Variants in SHMT1 observed in about 807,000 individuals in gnomAD.
The protein encoded by SHMT1 is serine hydroxymethyltransferase 1, also known as serine hydroxymethyltransferase, cytosolic.
Under a neutral mutation model 49.0 loss-of-function variants are expected in SHMT1, and 45 were observed. The observed-to-expected ratio is 0.92, with a 90% CI of 0.72 to 1.18. The LOEUF (loss-of-function observed/expected upper bound fraction) is 1.18. Among genes scored for constraint, SHMT1 ranks in the 50% most tolerant of loss-of-function variants. The probability of loss-of-function intolerance (pLI) is 0.00; values close to 1 mark genes in which losing one functional copy is unlikely to be tolerated. For synonymous variants in SHMT1, 232 were observed against 246.6 expected, an observed-to-expected ratio of 0.94 and a Z score of 0.55; for missense variants, 541 against 612.4, an observed-to-expected ratio of 0.88 and a Z score of 1.23.
In SHMT1 at chr17:18,335,548, T is replaced by C. The variant is rs1983690113; in HGVS notation, c.931+11A>G. On this transcript the variant is annotated intron_variant, in intron 8 of 11. Transcript: ENST00000316694. ...GGGCTACAGGATGAGCAGAGGCAGA[T>C]GATGTTTTACCAGCAATGGCGTGGT... 1 of 1,575,960 alleles carries C rather than the reference T, an allele frequency of 6.3e-7. No homozygotes were observed. Among genetic ancestry groups the C allele is most frequent in the African/African-American group, 1.3e-5 (1 of 74,186 alleles).
At chr17:18,346,627 T>C (rs532134502) in intron 5 of SHMT1, among the ~76,000 whole-genome samples, 7 of 152,112 alleles carry the variant, frequency 4.6e-5, no homozygotes, top group Non-Finnish European at 1.0e-4. Flanking sequence ...CCTCAACTTA[T>C]GGGGTTACAT....
At chr17:18,333,762 C>T (rs1983497877) in intron 8 of SHMT1, among the ~76,000 whole-genome samples, 1 of 150,882 alleles carries the variant, frequency 6.6e-6, no homozygotes, top group South Asian at 2.1e-4. Context: ...GAGCACCATG[C>T]CCAGCTAAAA....
chr17:18,342,420 G>A (rs755316893), intron 5 of SHMT1, among the ~76,000 whole-genome samples: 5 of 152,006 alleles, frequency 3.3e-5, no homozygotes, highest in East Asian at 2.0e-4. Context: ...AGGCTCAAGC[G>A]ATTCTCCCAC....
chr17:18,339,896 C>T (rs1317230414), intron 7 of SHMT1, 147 bp downstream of exon 7: 1 of 849,636 alleles, frequency 1.2e-6, no homozygotes, highest in Non-Finnish European at 1.9e-6. Context: ...CTGCTCCTTC[C>T]TAAGCAGCTC....
rs186537327 is a variant in SHMT1, at chr17:18,356,037, T to C, written c.-19-37A>G. 535 of 936,600 alleles carry C rather than the reference T, an allele frequency of 5.7e-4. 2 individuals carry two copies. The highest frequency in any genetic ancestry group is 1.1e-4 in the Non-Finnish European group (63 of 595,472). 58.0% of individuals were successfully genotyped at this position (936,600 alleles called of 1,614,324 possible). ...GGAAAAACATGTGTAGCTTCCAGAA[T>C]TAAATTTATTTATTTTATTTATTTT... On this transcript the variant is annotated intron_variant, in intron 1 of 11. Coordinates refer to ENST00000316694, the MANE Select transcript of SHMT1 (RefSeq NM_004169.5).
chr17:18,333,342 G>C lies in SHMT1; in HGVS notation c.932-54C>G, dbSNP rs1013362726. The C allele has an allele frequency of 1.2e-4, 186 of 1,584,126 alleles. No individual in the cohort carries two copies. In the African/African-American group the frequency reaches 1.5e-3, roughly 13 times the overall value. On this transcript the variant is annotated intron_variant, in intron 8 of 11. Transcript: ENST00000316694. Reference sequence around the variant, plus strand: ...GGCTAGGATAGAATCATACACAGATGATGAGTCAAACAACATTCCTGTTTT... The same window carrying C: ...GGCTAGGATAGAATCATACACAGATCATGAGTCAAACAACATTCCTGTTTT...
In SHMT1 at chr17:18,355,989, G is replaced by A. The variant is rs1986204470; in HGVS notation, c.-8C>T. ...GTTGACTGGCATCGTCATTGCACTGGTTCGAAGCTGCCTAAAAAAATGGGA... is the reference window on the plus strand; with the variant it reads ...GTTGACTGGCATCGTCATTGCACTGATTCGAAGCTGCCTAAAAAAATGGGA... On this transcript the variant is annotated 5_prime_UTR_variant, in exon 2 of 12. Transcript: ENST00000316694. 1 of 1,591,882 alleles carries A rather than the reference G, an allele frequency of 6.3e-7. No homozygotes were observed. The highest frequency in any genetic ancestry group is 1.1e-5 in the South Asian group (1 of 90,410).
At chr17:18,349,397 G>A (rs762554196) in intron 3 of SHMT1, among the ~76,000 whole-genome samples, 2 of 152,004 alleles carry the variant, frequency 1.3e-5, no homozygotes, top group African/African-American at 4.8e-5. Flanking sequence ...TCCAGCCTGG[G>A]CATCCCAGCA....
At chr17:18,363,237 TC>T (rs1273922423) in intron 1 of SHMT1, 134 bp downstream of exon 1, 3 of 151,958 alleles carry the variant, frequency 2.0e-5, no homozygotes, top group Non-Finnish European at 4.4e-5. Flanking sequence ...AGCGCTCCCC[TC>T]CCGTCATTGC....
intron 1 of SHMT1, among the ~76,000 whole-genome samples, chr17:18,361,316 C>CA (rs55736424): frequency 5.1e-5 from 6 of 117,778 alleles, no homozygotes; most frequent in South Asian, 2.7e-4. Context: ...AAAAAAAAAA[C>CA]AAAAACAAAA....
chr17:18,328,650 C>CA lies in SHMT1; in HGVS notation c.*99dup. 7.5e-7 allele frequency: 1 copy of CA among 1,335,256 alleles called. No individual in the cohort carries two copies. Among genetic ancestry groups the CA allele is most frequent in the South Asian group, 1.3e-5 (1 of 79,414 alleles). 82.7% of individuals were successfully genotyped at this position (1,335,256 alleles called of 1,614,324 possible). ...CCCCCTCAAAGGGCCCGAGTGTCAA[C>CA]AGTTCCCCTTTGGAGCAGCTCATCC... On this transcript the variant is annotated 3_prime_UTR_variant, in exon 12 of 12. Transcript: ENST00000316694.
At chr17:18,353,152 C>G (rs1257921330) in intron 3 of SHMT1, among the ~76,000 whole-genome samples, 1 of 151,664 alleles carries the variant, frequency 6.6e-6, no homozygotes, top group Non-Finnish European at 1.5e-5. Flanking sequence ...TTTTCTTTGC[C>G]TGATGATGAC....
chr17:18,337,863 T>A (rs1440319708), intron 7 of SHMT1, among the ~76,000 whole-genome samples: 1 of 152,150 alleles, frequency 6.6e-6, no homozygotes, highest in African/African-American at 2.4e-5. Context: ...CGGAGTCTCG[T>A]TCACTCAGTG....
chr17:18,361,128 A>G (rs560198533), intron 1 of SHMT1, among the ~76,000 whole-genome samples: 5 of 151,906 alleles, frequency 3.3e-5, no homozygotes, highest in African/African-American at 1.2e-4. Flanking sequence ...CAACACGGTA[A>G]AACTCCATCT....
At chr17:18,352,150 C>T (rs368392079) in intron 3 of SHMT1, among the ~76,000 whole-genome samples, 29 of 132,768 alleles carry the variant, frequency 2.2e-4, no homozygotes, top group Middle Eastern at 3.9e-3. Flanking sequence ...CAGTCCCCTT[C>T]TTTTTTTTTT....
rs566057729 is a variant in SHMT1 at position 18,327,962 on chromosome 17, A to G, written c.*788T>C. ...TTTTAAAGCTATAATTCTTGTAGAC[A>G]TTCTGTGGTTAAAAATTTGATTGTG... On this transcript the variant is annotated 3_prime_UTR_variant, in exon 12 of 12. Transcript: ENST00000316694. The G allele has an allele frequency of 2.6e-5, 4 of 152,778 alleles. No homozygotes were observed. The South Asian group carries it at 6.2e-4, about 24-fold the overall frequency. The allele number at this position is 152,778 out of a possible 1,614,324, so 9.5% of individuals were successfully genotyped here. A position where few individuals can be genotyped will look rare whatever the true frequency, so the allele number is the denominator to read the frequency against.
At chr17:18,358,300 GC>G (rs1986445975) in intron 1 of SHMT1, among the ~76,000 whole-genome samples, 1 of 150,430 alleles carries the variant, frequency 6.6e-6, no homozygotes, top group East Asian at 2.0e-4. Flanking sequence ...GACCATCCTG[GC>G]CTACACGGTG....
chr17:18,355,634 T>A (rs1308426915), intron 2 of SHMT1, among the ~76,000 whole-genome samples: 1 of 151,080 alleles, frequency 6.6e-6, no homozygotes, highest in Non-Finnish European at 1.5e-5. Context: ...CAGGAAAGGG[T>A]CAACTGTCAG....
Position 18,353,846 on chromosome 17 carries a change from T to C in SHMT1, c.97-29A>G, listed in dbSNP as rs1282688675. ...ATGAGAAGAAAACAGATGCTTGATA[T>C]TTGGAAATTTTAGTTTAAAATTTTG... On this transcript the variant is annotated intron_variant, in intron 2 of 11. Coordinates refer to ENST00000316694, the MANE Select transcript of SHMT1 (RefSeq NM_004169.5). 3 of 1,611,800 alleles carry C rather than the reference T, an allele frequency of 1.9e-6. No individual in the cohort carries two copies. In the South Asian group the frequency reaches 3.3e-5, roughly 18 times the overall value.
Sources: gnomAD v4.1 joint callset for allele counts (sites outside exome capture counted in the v4.1 genomes callset) on GRCh38, gnomAD v4.1.1 for gene constraint, MANE v1.5 for transcripts, NCBI Gene and HGNC (gene_info 2026-07-23, HGNC 2026-07-21) for gene names.